GDAP1L1: variants seen among roughly 807,000 people sequenced by gnomAD.
GDAP1L1 encodes ganglioside induced differentiation associated protein 1 like 1.
GDAP1L1 carries 21 observed loss-of-function variants against 37.1 expected under a neutral mutation model. The observed-to-expected ratio is 0.57, with a 90% confidence interval of 0.40 to 0.81. GDAP1L1 has a LOEUF of 0.81. GDAP1L1 is among the 40% of genes least tolerant of loss of function. The pLI is 0.00. For missense variants in GDAP1L1, 362 were observed against 491.6 expected (o/e 0.74, Z 2.49); for synonymous variants, 193 against 209.1 (o/e 0.92, Z 0.67).
intron 1 of GDAP1L1, among the ~76,000 whole-genome samples, chr20:44,252,279 A>AGGTG (rs780551462): frequency 2.8e-4 from 42 of 152,374 alleles, no homozygotes; most frequent in Admixed American, 7.8e-4. Context: ...TGGGAGGCCA[A>AGGTG]GGTGGGTGGA....
intron 1 of GDAP1L1, among the ~76,000 whole-genome samples, chr20:44,249,038 ATT>A (rs58008317): frequency 9.7e-5 from 14 of 143,726 alleles, no homozygotes; most frequent in African/African-American, 2.3e-4. Context: ...GAGTGTTATG[ATT>A]TTTTTTTTTT....
At chr20:44,274,281 T>G (rs1182420302) in intron 5 of GDAP1L1, among the ~76,000 whole-genome samples, 1 of 152,200 alleles carries the variant, frequency 6.6e-6, no homozygotes, top group Non-Finnish European at 1.5e-5. Context: ...CCCTTCTCTG[T>G]GGCATCATCC....
chr20:44,276,850 G>C (rs2062587963), intron 5 of GDAP1L1, among the ~76,000 whole-genome samples: 1 of 152,114 alleles, frequency 6.6e-6, no homozygotes, highest in Non-Finnish European at 1.5e-5. Flanking sequence ...GGTGCAATGT[G>C]GCGCTGTGTT....
intron 1 of GDAP1L1, among the ~76,000 whole-genome samples, chr20:44,252,723 T>C (rs1421251671): frequency 6.6e-6 from 1 of 151,604 alleles, no homozygotes; most frequent in Non-Finnish European, 1.5e-5. Context: ...CTTGGGAGGC[T>C]GAGGCAGGAA....
chr20:44,280,127 G>A lies in GDAP1L1; in HGVS notation c.*827G>A, dbSNP rs1432133369. 5 of 281,854 alleles carry A rather than the reference G, an allele frequency of 1.8e-5. No homozygotes were observed. Among genetic ancestry groups the A allele is most frequent in the Non-Finnish European group, 3.5e-5 (5 of 143,668 alleles). 17.5% of individuals were successfully genotyped at this position (281,854 alleles called of 1,614,324 possible). A position where few individuals can be genotyped will look rare whatever the true frequency, so the allele number is the denominator to read the frequency against. On this transcript the variant is annotated 3_prime_UTR_variant, in exon 6 of 6. Transcript: ENST00000342560. ...CGGATCTGGAGGTGGACAAACCTAG[G>A]TCCCCCTCCTAGCCTCTGTCCAAGC...
chr20:44,278,912 G>A (rs1194786540), intron 5 of GDAP1L1, 45 bp from the exon 6 acceptor site: 1 of 1,278,266 alleles, frequency 7.8e-7, no homozygotes, highest in Admixed American at 1.8e-5. Flanking sequence ...AAGTGTGTGT[G>A]TTAGGGGAGG....
intron 5 of GDAP1L1, among the ~76,000 whole-genome samples, chr20:44,273,713 A>G (rs925400905): frequency 7.9e-5 from 12 of 151,904 alleles, no homozygotes; most frequent in African/African-American, 1.9e-4. Context: ...GGTGACCTCA[A>G]TGCTGCCCCA....
At chr20:44,257,037 T>C in intron 1 of GDAP1L1, 116 bp from the exon 2 acceptor site, 1 of 1,085,612 alleles carries the variant, frequency 9.2e-7, no homozygotes, top group Non-Finnish European at 1.3e-6. Context: ...CTGAAAGCAA[T>C]CGTGTCCCCT....
In GDAP1L1 at chr20:44,279,264, C is replaced by T. The variant is rs1296520680; in HGVS notation, c.1068C>T (p.Tyr356=). ...FLMGSLGGMG[Y]FAYWYLKKKY... ...TGGGCTCCCTGGGTGGGATGGGCTA[C>T]TTTGCCTACTGGTACCTCAAGAAAA... is the stretch of plus-strand genomic sequence containing the variant. Residue 356 remains tyrosine (Y), a synonymous_variant, in exon 6 of 6, where the codon TAC becomes TAT. Coordinates refer to ENST00000342560, the MANE Select transcript of GDAP1L1 (RefSeq NM_024034.6). 6.2e-7 allele frequency: 1 copy of T among 1,613,612 alleles called. No homozygotes were observed. Among genetic ancestry groups the T allele is most frequent in the Non-Finnish European group, 8.5e-7 (1 of 1,179,752 alleles).
chr20:44,277,375 T>C (rs369190755), intron 5 of GDAP1L1, among the ~76,000 whole-genome samples: 21 of 152,100 alleles, frequency 1.4e-4, no homozygotes, highest in South Asian at 2.1e-4. Flanking sequence ...CAGGAGAAGA[T>C]TGAGGCAGGG....
chr20:44,258,974 C>A (rs1276258700), intron 3 of GDAP1L1, among the ~76,000 whole-genome samples: 2 of 151,870 alleles, frequency 1.3e-5, no homozygotes, highest in Admixed American at 6.6e-5. Flanking sequence ...CTGCCCCCCC[C>A]ATACACAGAC....
intron 5 of GDAP1L1, among the ~76,000 whole-genome samples, chr20:44,276,016 G>T (rs2062568786): frequency 6.6e-6 from 1 of 151,978 alleles, no homozygotes; most frequent in Non-Finnish European, 1.5e-5. Context: ...TTTAACATCT[G>T]CCCCTTTCTT....
chr20:44,257,385 CAGA>C (rs2073578726), intron 2 of GDAP1L1, 40 bp downstream of exon 2: 6 of 1,574,646 alleles, frequency 3.8e-6, no homozygotes, highest in Middle Eastern at 1.7e-4. Context: ...CTCCATACCA[CAGA>C]TCCTCAGGGG....
At position 44,280,183 on chromosome 20, in the gene GDAP1L1, A is replaced by C. The variant is rs2062626583; in HGVS notation, c.*883A>C. 8.8e-6 allele frequency: 2 copies of C among 226,936 alleles called. No homozygotes were observed. 14.1% of individuals were successfully genotyped at this position (226,936 alleles called of 1,614,324 possible). On this transcript the variant is annotated 3_prime_UTR_variant, in exon 6 of 6. Coordinates refer to ENST00000342560, the MANE Select transcript of GDAP1L1 (RefSeq NM_024034.6). ...CCTTCAATATCCCCCCCTTCCTGTC[A>C]CTCCCGGGGCTGTCCCTGTACTACA...
At chr20:44,249,960 A>T (rs962956751) in intron 1 of GDAP1L1, among the ~76,000 whole-genome samples, 5 of 152,178 alleles carry the variant, frequency 3.3e-5, no homozygotes, top group African/African-American at 1.2e-4. Flanking sequence ...TACCCTGCAG[A>T]ATTCCTTTAG....
chr20:44,275,244 C>T (rs957314441), intron 5 of GDAP1L1, among the ~76,000 whole-genome samples: 1 of 152,112 alleles, frequency 6.6e-6, no homozygotes, highest in Admixed American at 6.5e-5. Flanking sequence ...CTGATGAGAG[C>T]CTTCATTACA....
rs2062624307 is a variant in GDAP1L1, at chr20:44,279,913, C to T, written c.*613C>T. The stretch of plus-strand genomic sequence containing the variant: ...AACCAGGCTGCAGTGGGGACGGATA[C>T]CATGAGCACACCCTCTCATTGTCCT... On this transcript the variant is annotated 3_prime_UTR_variant, in exon 6 of 6. Transcript: ENST00000342560. The T allele has an allele frequency of 7.6e-6, 3 of 395,094 alleles. No homozygotes were observed. In the Admixed American group the frequency reaches 9.4e-5, roughly 12 times the overall value. The allele number at this position is 395,094 out of a possible 1,614,324, so 24.5% of individuals were successfully genotyped here.
chr20:44,258,178 A>T lies in GDAP1L1; in HGVS notation c.374-256A>T, dbSNP rs763553398. The T allele has an allele frequency of 2.4e-5, 17 of 717,620 alleles. No homozygotes were observed. The South Asian group carries it at 2.5e-4, about 11-fold the overall frequency. 44.5% of individuals were successfully genotyped at this position (717,620 alleles called of 1,614,324 possible). A position where few individuals can be genotyped will look rare whatever the true frequency, so the allele number is the denominator to read the frequency against. On this transcript the variant is annotated intron_variant, in intron 2 of 5. Transcript: ENST00000342560. ...TGCAGCTTCTCTTGAATCCCGCAAC[A>T]CTGGGTCTAGGACCCCGCCTGGCAG...
chr20:44,252,822 C>CAAA (rs3091993), intron 1 of GDAP1L1, among the ~76,000 whole-genome samples: 9 of 123,104 alleles, frequency 7.3e-5, no homozygotes, highest in African/African-American at 2.8e-4. Context: ...GACCCTGTCT[C>CAAA]AAAAAAAAAA....
Sources: gnomAD v4.1 joint callset for allele counts (sites outside exome capture counted in the v4.1 genomes callset) on GRCh38, gnomAD v4.1.1 for gene constraint, MANE v1.5 for transcripts, NCBI Gene and HGNC (gene_info 2026-07-23, HGNC 2026-07-21) for gene names.